Variants in SCAI observed in about 807,000 individuals in gnomAD.
The protein encoded by SCAI is protein SCAI.
SCAI carries 24 observed loss-of-function variants against 92.2 expected under a neutral mutation model. The ratio of observed to expected loss-of-function variants is 0.26; its 90% CI spans 0.19 to 0.37. The LOEUF is 0.37. Ranked by LOEUF, SCAI falls within the 10% of genes least tolerant of loss-of-function variation. SCAI has a pLI of 1.00. For synonymous variants in SCAI, 261 were observed against 258.6 expected (o/e 1.01, Z -0.09); for missense variants, 450 against 736.2 (o/e 0.61, Z 4.50).
intron 2 of SCAI, among the ~76,000 whole-genome samples, chr9:125,126,390 GGGGTGTGTGTGTGT>G (rs1564424352): frequency 7.7e-6 from 1 of 129,838 alleles, no homozygotes; most frequent in East Asian, 3.2e-4. Flanking sequence ...AAGTGAGTTG[GGGGTGTGTGTGTGT>G]GTGTGTGTGT....
At chr9:124,995,284 C>G (rs1289989250) in intron 13 of SCAI, among the ~76,000 whole-genome samples, 2 of 151,900 alleles carry the variant, frequency 1.3e-5, no homozygotes, top group African/African-American at 2.4e-5. Flanking sequence ...ACTAAACACA[C>G]AGCATGAAAA....
At chr9:125,025,858 C>A (rs1302482429) in intron 6 of SCAI, among the ~76,000 whole-genome samples, 1 of 152,318 alleles carries the variant, frequency 6.6e-6, no homozygotes, top group Non-Finnish European at 1.5e-5. Flanking sequence ...ACAAAGTGTT[C>A]TTGAGAAAAA....
chr9:125,108,544 A>C (rs1447824154), intron 2 of SCAI, among the ~76,000 whole-genome samples: 1 of 143,924 alleles, frequency 6.9e-6, no homozygotes, highest in Admixed American at 6.9e-5. Context: ...GGAGGTGAGG[A>C]GCGTCTCTGC....
At chr9:125,077,522 C>G (rs907811063) in intron 2 of SCAI, among the ~76,000 whole-genome samples, 6 of 152,128 alleles carry the variant, frequency 3.9e-5, no homozygotes, top group Non-Finnish European at 7.3e-5. Context: ...TAGGAGCTAC[C>G]AGACTATTTT....
intron 13 of SCAI, among the ~76,000 whole-genome samples, chr9:124,996,598 C>T (rs1009816466): frequency 1.3e-5 from 2 of 151,826 alleles, no homozygotes; most frequent in African/African-American, 2.4e-5. Flanking sequence ...CCACCATGCT[C>T]GGTCCAACAA....
At chr9:125,019,035 C>CT (rs1181830292) in intron 8 of SCAI, 72 bp downstream of exon 8, 1 of 1,533,376 alleles carries the variant, frequency 6.5e-7, no homozygotes, top group Non-Finnish European at 8.9e-7. Flanking sequence ...TTGACATATA[C>CT]ACACAATAAA....
At chr9:125,037,042 G>T (rs979398053) in intron 3 of SCAI, among the ~76,000 whole-genome samples, 1 of 152,142 alleles carries the variant, frequency 6.6e-6, no homozygotes, top group African/African-American at 2.4e-5. Flanking sequence ...GCCGAGGCAG[G>T]CTGATCACCT....
intron 2 of SCAI, among the ~76,000 whole-genome samples, chr9:125,123,306 T>A (rs1466787702): frequency 6.8e-6 from 1 of 147,966 alleles, no homozygotes; most frequent in East Asian, 2.0e-4. Context: ...GAGGTTGCAG[T>A]GGGCTGAGAT....
At chr9:125,109,681 CTATCTATCTATG>C (rs1834893437) in intron 2 of SCAI, among the ~76,000 whole-genome samples, 1 of 151,674 alleles carries the variant, frequency 6.6e-6, no homozygotes, top group African/African-American at 2.4e-5. Flanking sequence ...ATCTATCTAT[CTATCTATCTATG>C]TATTTATTTT....
chr9:124,993,810 G>T (rs1186053573), intron 14 of SCAI, among the ~76,000 whole-genome samples: 2 of 152,064 alleles, frequency 1.3e-5, no homozygotes, highest in Admixed American at 6.6e-5. Flanking sequence ...TTTCCTGATA[G>T]AAACCTATCA....
At chr9:124,970,440 C>T (rs1048968665) in intron 17 of SCAI, among the ~76,000 whole-genome samples, 9 of 151,760 alleles carry the variant, frequency 5.9e-5, no homozygotes, top group African/African-American at 1.9e-4. Flanking sequence ...ATTTCAGGGC[C>T]GGGTGCAGTG....
chr9:124,959,292 GA>G (rs371851172), intron 17 of SCAI, among the ~76,000 whole-genome samples: 4,115 of 128,312 alleles, frequency 0.032, 182 homozygotes, highest in African/African-American at 0.11. Context: ...CATTTCAAAT[GA>G]AAAAAAAAAA....
intron 3 of SCAI, among the ~76,000 whole-genome samples, chr9:125,038,236 C>T (rs7875334): frequency 6.6e-6 from 1 of 152,062 alleles, no homozygotes; most frequent in Non-Finnish European, 1.5e-5. Flanking sequence ...CAACAAGACC[C>T]TACCTCAAAA....
rs1429636424 is a variant in SCAI, at chr9:124,994,958, A to G, written c.1302T>C (p.Asp434=). 1 of 1,612,962 alleles carries G rather than the reference A, an allele frequency of 6.2e-7. No homozygotes were observed. The highest frequency in any genetic ancestry group is 1.1e-5 in the South Asian group (1 of 90,534). The change falls in exon 14 of 18, where the codon GAT becomes GAC. Residue 434 remains aspartate (D), a synonymous_variant. Coordinates refer to ENST00000336505, the MANE Select transcript of SCAI (RefSeq NM_001144877.3). ...FTRKPLFIIV[D]SSNSVAYKNF... ...CCTTATACGCAACACTATTAGACGA[A>G]TCCACAATGATGAACAGTGGCTTCC... is the stretch of plus-strand genomic sequence containing the variant.
Position 125,032,195 on chromosome 9 carries a change from A to ATATAT in SCAI, c.231-2457_231-2456insATATA, listed in dbSNP as rs1177865840. 2.2e-3 allele frequency among the ~76,000 whole-genome samples: 216 copies of ATATAT among 99,406 alleles called. 6 individuals are homozygous for ATATAT. The highest frequency in any genetic ancestry group is 0.016 in the Admixed American group (124 of 7,954). 65.2% of individuals were successfully genotyped at this position (99,406 alleles called of 152,430 possible). On this transcript the variant is annotated intron_variant, in intron 3 of 17. Coordinates refer to ENST00000336505, the MANE Select transcript of SCAI (RefSeq NM_001144877.3). ...AATATATATATATATATATATATAT[A>ATATAT]TTTTTTTTTTTTTTTGAGATGGAGT...
chr9:125,012,417 G>T (rs943272170), intron 9 of SCAI, among the ~76,000 whole-genome samples: 1 of 152,064 alleles, frequency 6.6e-6, no homozygotes, highest in Non-Finnish European at 1.5e-5. Flanking sequence ...AACCAACAAA[G>T]ATCAAAAGAG....
intron 2 of SCAI, among the ~76,000 whole-genome samples, chr9:125,090,244 G>A (rs1834403386): frequency 6.6e-6 from 1 of 152,184 alleles, no homozygotes; most frequent in Non-Finnish European, 1.5e-5. Flanking sequence ...CCTTATGCAA[G>A]ATAGGAGTAT....
At chr9:125,005,857 C>T (rs1270653713) in intron 9 of SCAI, among the ~76,000 whole-genome samples, 2 of 152,104 alleles carry the variant, frequency 1.3e-5, no homozygotes, top group Non-Finnish European at 1.5e-5. Flanking sequence ...GAGACATAAA[C>T]ATGAAGGAAA....
intron 15 of SCAI, among the ~76,000 whole-genome samples, chr9:124,973,072 G>A (rs1217750625): frequency 6.6e-6 from 1 of 152,138 alleles, no homozygotes; most frequent in African/African-American, 2.4e-5. Flanking sequence ...GATGTCCTGG[G>A]GACAGGTCCC....
Sources: gnomAD v4.1 joint callset for allele counts (sites outside exome capture counted in the v4.1 genomes callset) on GRCh38, gnomAD v4.1.1 for gene constraint, MANE v1.5 for transcripts, NCBI Gene and HGNC (gene_info 2026-07-23, HGNC 2026-07-21) for gene names.